KTN1: variants seen among roughly 807,000 people sequenced by gnomAD.
The protein encoded by KTN1 is kinectin 1.
KTN1 carries 130 observed loss-of-function variants against 222.5 expected under a neutral mutation model. That is an observed-to-expected ratio of 0.58 (90% CI 0.51 to 0.68). The LOEUF is 0.68. Among genes scored for constraint, KTN1 ranks in the 30% least tolerant of loss-of-function variants. KTN1 has a pLI of 0.00. For synonymous variants in KTN1, 512 were observed against 496.3 expected (o/e 1.03, Z -0.42); for missense variants, 1,508 against 1,500.4 (o/e 1.01, Z -0.08).
At chr14:55,585,935 C>T (rs1038924818) in intron 1 of KTN1, among the ~76,000 whole-genome samples, 1 of 152,168 alleles carries the variant, frequency 6.6e-6, no homozygotes, top group African/African-American at 2.4e-5. Flanking sequence ...TGAGTAACAT[C>T]TACAATTAGT....
At chr14:55,672,135 G>A (rs1566846624) in intron 37 of KTN1, 1 of 361,372 alleles carries the variant, frequency 2.8e-6, no homozygotes. Context: ...CAGAACTATT[G>A]TGTGATAAGG....
chr14:55,608,819 G>A (rs1301520176), intron 1 of KTN1, among the ~76,000 whole-genome samples: 3 of 151,656 alleles, frequency 2.0e-5, no homozygotes, highest in Non-Finnish European at 2.9e-5. Flanking sequence ...TAGTAGAGAC[G>A]GGGTTTCACC....
chr14:55,606,973 G>A (rs1190071877), intron 1 of KTN1, among the ~76,000 whole-genome samples: 3 of 152,100 alleles, frequency 2.0e-5, no homozygotes, highest in Non-Finnish European at 4.4e-5. Context: ...GTCTTCACAT[G>A]TCCCACACTG....
At chr14:55,616,087 AT>A (rs979865209) in intron 2 of KTN1, among the ~76,000 whole-genome samples, 1 of 150,788 alleles carries the variant, frequency 6.6e-6, no homozygotes, top group Non-Finnish European at 1.5e-5. Flanking sequence ...AATTTTTTTT[AT>A]TTTTTTCGTA....
At chr14:55,640,260 T>G in intron 14 of KTN1, 114 bp from the exon 15 acceptor site, 2 of 750,426 alleles carry the variant, frequency 2.7e-6, no homozygotes, top group South Asian at 1.7e-5. Flanking sequence ...TCTTGATTAT[T>G]TGGGAAATTT....
intron 1 of KTN1, among the ~76,000 whole-genome samples, chr14:55,583,232 T>G (rs1226745013): frequency 1.3e-5 from 2 of 152,184 alleles, no homozygotes; most frequent in African/African-American, 4.8e-5. Context: ...CTGTTGTGCT[T>G]AAATGTGTTT....
intron 43 of KTN1, chr14:55,680,937 C>T (rs2046312107): frequency 2.8e-6 from 1 of 359,316 alleles, no homozygotes; most frequent in Admixed American, 3.7e-5. Context: ...GGGAAACTTC[C>T]ATCGCTTCTT....
At chr14:55,646,086 A>G (rs1416836947) in intron 18 of KTN1, among the ~76,000 whole-genome samples, 1 of 151,964 alleles carries the variant, frequency 6.6e-6, no homozygotes, top group East Asian at 1.9e-4. Context: ...GAGAAATCCC[A>G]CTTTGGACAT....
intron 28 of KTN1, among the ~76,000 whole-genome samples, chr14:55,655,310 A>G (rs1168084387): frequency 2.0e-5 from 3 of 152,180 alleles, no homozygotes; most frequent in African/African-American, 7.2e-5. Flanking sequence ...AGCAATATGC[A>G]TTTGAGTTTT....
chr14:55,678,594 A>AT, intron 42 of KTN1, 150 bp downstream of exon 42: 2 of 605,734 alleles, frequency 3.3e-6, no homozygotes, highest in East Asian at 5.7e-5. Context: ...GTTTGATCTC[A>AT]TTTTTGCTTA....
At chr14:55,657,698 G>A (rs1272263736) in intron 29 of KTN1, among the ~76,000 whole-genome samples, 2 of 152,048 alleles carry the variant, frequency 1.3e-5, no homozygotes, top group Non-Finnish European at 2.9e-5. Flanking sequence ...ATCTCTTGAG[G>A]TCAGGGGTTC....
At chr14:55,646,877 A>G in intron 18 of KTN1, 96 bp from the exon 19 acceptor site, 1 of 769,234 alleles carries the variant, frequency 1.3e-6, no homozygotes, top group East Asian at 2.5e-5. Flanking sequence ...TCTATTTAAT[A>G]ACCCTAAACA....
At chr14:55,604,498 A>T (rs2036449508) in intron 1 of KTN1, among the ~76,000 whole-genome samples, 1 of 152,170 alleles carries the variant, frequency 6.6e-6, no homozygotes, top group Non-Finnish European at 1.5e-5. Context: ...AAAATTAAAT[A>T]AAATTTAATG....
chr14:55,646,371 A>G lies in KTN1; in HGVS notation c.2173-602A>G, dbSNP rs542307150. On this transcript the variant is annotated intron_variant, in intron 18 of 43. Coordinates refer to ENST00000395314, the MANE Select transcript of KTN1 (RefSeq NM_001079521.2). The stretch of plus-strand genomic sequence containing the variant: ...CCTTAGTATAGAAAAAAAATCAATT[A>G]AAAGAGCCCATGTTTGTCTGTCTTT... Among the ~76,000 whole-genome samples, 4 of 152,022 alleles carry G rather than the reference A, an allele frequency of 2.6e-5. No individual in the cohort carries two copies. In the East Asian group the frequency reaches 7.7e-4, roughly 29 times the overall value.
intron 1 of KTN1, among the ~76,000 whole-genome samples, chr14:55,603,505 T>C (rs2036276682): frequency 1.3e-5 from 2 of 152,206 alleles, no homozygotes; most frequent in Admixed American, 6.5e-5. Flanking sequence ...ACTTTATTCA[T>C]CTGGCGTCCG....
chr14:55,682,145 GT>G lies in KTN1; in HGVS notation c.4070-1949del, dbSNP rs1192955543. The G allele has an allele frequency of 2.0e-5, 3 of 152,136 alleles. No individual in the cohort carries two copies. In the East Asian group the frequency reaches 5.8e-4, roughly 29 times the overall value. 9.4% of individuals were successfully genotyped at this position (152,136 alleles called of 1,614,324 possible). On this transcript the variant is annotated intron_variant, in intron 43 of 43. Coordinates refer to ENST00000395314, the MANE Select transcript of KTN1 (RefSeq NM_001079521.2). ...GCAAGAAATAATATGCATTGATGTA[GT>G]TTTTCTAAATCCTGATACATAGTAC...
chr14:55,640,151 C>G (rs1035510340), intron 14 of KTN1, 148 bp downstream of exon 14: 1 of 662,610 alleles, frequency 1.5e-6, no homozygotes, highest in Non-Finnish European at 2.6e-6. Flanking sequence ...ACAAAATTCT[C>G]TAGCTCTCTA....
intron 34 of KTN1, 72 bp downstream of exon 34, chr14:55,667,402 G>T (rs1337012249): frequency 1.2e-6 from 1 of 824,272 alleles, no homozygotes; most frequent in East Asian, 2.7e-5. Context: ...AACATCATTT[G>T]CACTCCACTT....
rs1555357161 is a variant in KTN1 at position 55,593,446 on chromosome 14, C to CA, written c.-31+13105dup. On this transcript the variant is annotated intron_variant, in intron 1 of 43. Coordinates refer to ENST00000395314, the MANE Select transcript of KTN1 (RefSeq NM_001079521.2). ...TGATCAGAAATAGACACCCCCCCCC[C>CA]AAAAAAAAAAAAAGAAAACTTGTTA... 4.1e-3 allele frequency among the ~76,000 whole-genome samples: 500 copies of CA among 120,506 alleles called. 2 individuals are homozygous for CA. The highest frequency in any genetic ancestry group is 6.0e-3 in the East Asian group (24 of 4,000). The allele number at this position is 120,506 out of a possible 152,430, so 79.1% of individuals were successfully genotyped here. A position where few individuals can be genotyped will look rare whatever the true frequency, so the allele number is the denominator to read the frequency against.
Sources: gnomAD v4.1 joint callset for allele counts (sites outside exome capture counted in the v4.1 genomes callset) on GRCh38, gnomAD v4.1.1 for gene constraint, MANE v1.5 for transcripts, NCBI Gene and HGNC (gene_info 2026-07-23, HGNC 2026-07-21) for gene names.